The following SULF1 variants were observed in gnomAD, a reference collection of about 807,000 sequenced individuals.
SULF1 encodes the protein sulfatase 1, also known as extracellular sulfatase Sulf-1.
Under a neutral mutation model 110.5 loss-of-function variants are expected in SULF1, and 46 were observed. The ratio of observed to expected loss-of-function variants is 0.42; its 90% CI spans 0.33 to 0.53. The LOEUF (loss-of-function observed/expected upper bound fraction) is 0.53. SULF1 is among the 20% of genes least tolerant of loss of function. The pLI is 0.12. For synonymous variants in SULF1, 371 were observed against 387.1 expected (o/e 0.96, Z 0.49); for missense variants, 941 against 1,094.2 (o/e 0.86, Z 1.98).
intron 3 of SULF1, among the ~76,000 whole-genome samples, chr8:69,502,690 C>CTTTTTTTTTTTTTTTTTTTTCT (rs765285613): frequency 7.9e-6 from 1 of 125,912 alleles, no homozygotes; most frequent in Non-Finnish European, 1.7e-5. Context: ...CTTTTTTTTT[C>CTTTTTTTTTTTTTTTTTTTTCT]TTTTTTTTTT....
chr8:69,596,028 G>A (rs1235918872), intron 8 of SULF1, among the ~76,000 whole-genome samples: 1 of 152,168 alleles, frequency 6.6e-6, no homozygotes, highest in Non-Finnish European at 1.5e-5. Context: ...AGGAGAATTG[G>A]CATGATGGTG....
chr8:69,496,190 A>G (rs1810341906), intron 2 of SULF1, among the ~76,000 whole-genome samples: 1 of 152,268 alleles, frequency 6.6e-6, no homozygotes, highest in African/African-American at 2.4e-5. Flanking sequence ...GCCATTTCTT[A>G]TAAAAGGGGC....
chr8:69,612,524 T>TTGTTTTGTTC (rs999637132), intron 13 of SULF1, among the ~76,000 whole-genome samples: 11 of 151,974 alleles, frequency 7.2e-5, no homozygotes, highest in Non-Finnish European at 1.0e-4. Context: ...TTGTTTTGTT[T>TTGTTTTGTTC]TGACTTTTTA....
At chr8:69,599,685 T>C (rs1217404077) in intron 8 of SULF1, among the ~76,000 whole-genome samples, 1 of 152,228 alleles carries the variant, frequency 6.6e-6, no homozygotes, top group Non-Finnish European at 1.5e-5. Flanking sequence ...AAGTAGATTA[T>C]AGTCTGTTAA....
chr8:69,624,285 A>T, intron 15 of SULF1, 88 bp downstream of exon 15: 1 of 1,500,042 alleles, frequency 6.7e-7, no homozygotes, highest in South Asian at 1.4e-5. Flanking sequence ...CTTGGCAAAA[A>T]AGCAGTATCA....
chr8:69,552,381 A>AG (rs1458939181), intron 3 of SULF1, among the ~76,000 whole-genome samples: 11 of 152,346 alleles, frequency 7.2e-5, no homozygotes, highest in African/African-American at 2.6e-4. Context: ...TTTTAAAAAA[A>AG]TCAGTACTAA....
intron 22 of SULF1, among the ~76,000 whole-genome samples, chr8:69,644,289 T>C (rs1051535223): frequency 2.0e-5 from 3 of 152,168 alleles, no homozygotes; most frequent in Admixed American, 2.0e-4. Context: ...GCCTCGCTGG[T>C]GGGCATGCTT....
chr8:69,479,377 G>A (rs758941874), intron 1 of SULF1, among the ~76,000 whole-genome samples: 2 of 152,138 alleles, frequency 1.3e-5, no homozygotes, highest in African/African-American at 2.4e-5. Flanking sequence ...AAAACACCCT[G>A]TTAATTTCAT....
intron 8 of SULF1, among the ~76,000 whole-genome samples, chr8:69,599,803 G>A (rs1807647002): frequency 6.6e-6 from 1 of 152,188 alleles, no homozygotes; most frequent in Admixed American, 6.5e-5. Flanking sequence ...GGTTGAGGGA[G>A]TTGGGTGAGA....
chr8:69,600,830 T>G, intron 9 of SULF1, 77 bp downstream of exon 9: 2 of 1,495,156 alleles, frequency 1.3e-6, no homozygotes. Context: ...CCAATCCTGT[T>G]TGGTTTTTTC....
intron 1 of SULF1, 113 bp from the exon 2 acceptor site, chr8:69,495,645 TCAGAGAC>T (rs1401884174): frequency 2.6e-5 from 4 of 152,236 alleles, no homozygotes; most frequent in Non-Finnish European, 4.4e-5. Context: ...TTTTACTTCT[TCAGAGAC>T]TTCAGAAATG....
chr8:69,577,237 A>C (rs1386443783), intron 6 of SULF1, among the ~76,000 whole-genome samples: 1 of 152,204 alleles, frequency 6.6e-6, no homozygotes, highest in African/African-American at 2.4e-5. Context: ...GCCTTATCTG[A>C]GTGTGTTTTC....
intron 3 of SULF1, chr8:69,563,268 G>T (rs1255007156): frequency 6.6e-6 from 1 of 152,168 alleles, no homozygotes; most frequent in African/African-American, 2.4e-5. Context: ...AGCTCTGTTG[G>T]GGATGTGTAA....
Position 69,638,556 on chromosome 8 carries a change from G to A in SULF1, c.2339G>A (p.Arg780His), listed in dbSNP as rs759006090. 9 of 1,613,976 alleles carry A rather than the reference G, an allele frequency of 5.6e-6. No individual in the cohort carries two copies. Among genetic ancestry groups the A allele is most frequent in the Middle Eastern group, 1.6e-4 (1 of 6,062 alleles). Residue 780 changes from arginine to histidine, a missense_variant, in exon 20 of 23, where the codon CGT becomes CAT. Physicochemically the swap from Arg to His is conservative, Grantham distance 29. Coordinates refer to ENST00000402687, the MANE Select transcript of SULF1 (RefSeq NM_001128205.2). ...AACAATAACACCTACTGGTGTTTGC[G>A]TACAGTTAATGAGACGCATAATTTT... is the stretch of plus-strand genomic sequence containing the variant. Reference protein sequence around the residue: ...SSNNNTYWCLRTVNETHNFLF... With the variant: ...SSNNNTYWCLHTVNETHNFLF...
chr8:69,492,211 C>A (rs973884725), upstream of SULF1, among the ~76,000 whole-genome samples: 4 of 151,128 alleles, frequency 2.6e-5, no homozygotes, highest in African/African-American at 9.7e-5. Flanking sequence ...GTTGTGGGAG[C>A]GGGGAGGGAA....
intron 6 of SULF1, among the ~76,000 whole-genome samples, chr8:69,579,457 G>A (rs895509097): frequency 2.0e-5 from 3 of 151,090 alleles, no homozygotes; most frequent in African/African-American, 7.3e-5. Context: ...GCTGAGGCAG[G>A]AGAATCACTT....
intron 1 of SULF1, among the ~76,000 whole-genome samples, chr8:69,473,922 T>C (rs1213782735): frequency 3.3e-5 from 5 of 152,218 alleles, no homozygotes; most frequent in African/African-American, 1.2e-4. Context: ...CTTTTTCCAC[T>C]TCATAGTACG....
chr8:69,498,112 T>C (rs868444804), intron 2 of SULF1, among the ~76,000 whole-genome samples: 82 of 88,908 alleles, frequency 9.2e-4, no homozygotes, highest in South Asian at 3.6e-3. Context: ...TCTCTCTCTC[T>C]CCACACACAC....
chr8:69,631,654 C>T lies in SULF1; in HGVS notation c.2284+1975C>T, dbSNP rs1810556319. The stretch of plus-strand genomic sequence containing the variant: ...CTGGGACCATTGCCTCCTGTTCTTG[C>T]CTGCTTCAGCCACTCAACTTCTCTT... On this transcript the variant is annotated intron_variant, in intron 19 of 22. Transcript: ENST00000402687. 3.3e-5 allele frequency among the ~76,000 whole-genome samples: 5 copies of T among 152,392 alleles called. No individual in the cohort carries two copies. The South Asian group carries it at 1.0e-3, about 32-fold the overall frequency.
Sources: allele counts gnomAD v4.1 joint callset (sites outside exome capture counted in the v4.1 genomes callset), GRCh38; gene constraint gnomAD v4.1.1; transcripts MANE v1.5; gene names NCBI Gene and HGNC (gene_info 2026-07-23, HGNC 2026-07-21).